The following ANKRD33B variants were observed in gnomAD, a reference collection of about 807,000 sequenced individuals.
ANKRD33B encodes ankyrin repeat domain 33B.
A neutral mutation model predicts 21.5 loss-of-function variants in ANKRD33B; 6 were observed. The ratio of observed to expected loss-of-function variants is 0.28; its 90% CI spans 0.15 to 0.55. ANKRD33B has a LOEUF of 0.55. Among genes scored for constraint, ANKRD33B ranks in the 20% least tolerant of loss-of-function variants. The probability of loss-of-function intolerance (pLI) is 0.94; values close to 1 mark genes in which losing one functional copy is unlikely to be tolerated. For missense variants in ANKRD33B, 698 were observed against 747.2 expected, an observed-to-expected ratio of 0.93 and a Z score of 0.77; for synonymous variants, 347 against 342.4, an observed-to-expected ratio of 1.01 and a Z score of -0.15.
rs1560956822 is a variant in ANKRD33B, at chr5:10,564,681, GCGGAGAGCGTCC to G, written c.220_231del (p.Ser74_Glu77del). On this transcript the variant is annotated inframe_deletion, in exon 1 of 4. Transcript: ENST00000296657. The stretch of plus-strand genomic sequence containing the variant: ...CGAGGAGGAGCACGGCGTCGAGAGC[GCGGAGAGCGTCC>G]CGGAGGGCGTCCCGGAAAGCGTCCC... 1 of 1,534,600 alleles carries G rather than the reference GCGGAGAGCGTCC, an allele frequency of 6.5e-7. No individual in the cohort carries two copies. The highest frequency in any genetic ancestry group is 1.2e-5 in the South Asian group (1 of 83,982).
intron 3 of ANKRD33B, among the ~76,000 whole-genome samples, chr5:10,638,753 T>G (rs2126601010): frequency 6.6e-6 from 1 of 151,310 alleles, no homozygotes; most frequent in East Asian, 2.0e-4. Context: ...GAGTTGCTTG[T>G]TAACGTTAGG....
At chr5:10,572,014 A>T (rs972344655) in intron 1 of ANKRD33B, among the ~76,000 whole-genome samples, 1 of 151,108 alleles carries the variant, frequency 6.6e-6, no homozygotes, top group African/African-American at 2.4e-5. Flanking sequence ...TCAGCCTCCC[A>T]AGTAGCCGGG....
chr5:10,581,014 C>T (rs571615975), intron 1 of ANKRD33B, among the ~76,000 whole-genome samples: 1 of 152,130 alleles, frequency 6.6e-6, no homozygotes, highest in Non-Finnish European at 1.5e-5. Flanking sequence ...ATGTCCTCGT[C>T]CTGCCTCCAG....
intron 1 of ANKRD33B, among the ~76,000 whole-genome samples, chr5:10,595,105 T>A (rs1717504997): frequency 1.3e-5 from 2 of 152,084 alleles, no homozygotes; most frequent in Admixed American, 1.3e-4. Context: ...GCCCTGTGAC[T>A]GTGGAGGGTG....
chr5:10,616,035 A>G (rs188152301), intron 1 of ANKRD33B, among the ~76,000 whole-genome samples: 47 of 152,352 alleles, frequency 3.1e-4, no homozygotes, highest in Admixed American at 2.9e-3. Flanking sequence ...GGAATGACCT[A>G]TTTCAAAGGG....
intron 1 of ANKRD33B, among the ~76,000 whole-genome samples, chr5:10,585,318 G>A (rs1560964472): frequency 6.6e-6 from 1 of 152,210 alleles, no homozygotes; most frequent in Non-Finnish European, 1.5e-5. Flanking sequence ...AAATCAACAA[G>A]TGTTTTCCTG....
chr5:10,629,937 G>T (rs1242176751), intron 2 of ANKRD33B, among the ~76,000 whole-genome samples: 1 of 152,308 alleles, frequency 6.6e-6, no homozygotes, highest in East Asian at 1.9e-4. Context: ...GGTCACTGGG[G>T]ACTGCTGGGG....
intron 2 of ANKRD33B, among the ~76,000 whole-genome samples, chr5:10,620,934 T>C (rs1030259696): frequency 6.6e-6 from 1 of 152,248 alleles, no homozygotes; most frequent in Admixed American, 6.5e-5. Context: ...ATAATCCTTT[T>C]CTGAATCATT....
chr5:10,624,995 C>G, intron 2 of ANKRD33B: 1 of 345,170 alleles, frequency 2.9e-6, no homozygotes, highest in Non-Finnish European at 5.7e-6. Flanking sequence ...GATTTTATGC[C>G]TGATGACGGC....
At chr5:10,609,098 G>A (rs1178163703) in intron 1 of ANKRD33B, among the ~76,000 whole-genome samples, 1 of 152,216 alleles carries the variant, frequency 6.6e-6, no homozygotes, top group African/African-American at 2.4e-5. Flanking sequence ...TGTGCCGTAA[G>A]TGTAAAATAT....
chr5:10,619,381 A>C lies in ANKRD33B; in HGVS notation c.496+919A>C. 1.0e-6 allele frequency: 1 copy of C among 985,388 alleles called. No homozygotes were observed. The highest frequency in any genetic ancestry group is 1.2e-6 in the Non-Finnish European group (1 of 829,906). 61.0% of individuals were successfully genotyped at this position (985,388 alleles called of 1,614,324 possible). On this transcript the variant is annotated intron_variant, in intron 2 of 3. Transcript: ENST00000296657. The surrounding 1 kb of genome is among the most constrained non-coding windows in gnomAD (Gnocchi z 4.5). ...GAGGAAGTGCCCCCGACCACACTGT[A>C]TGTTGATTCTGGTTGGGAAATGGCT... is the stretch of plus-strand genomic sequence containing the variant.
chr5:10,602,455 G>A lies in ANKRD33B; in HGVS notation c.367-15878G>A, dbSNP rs138971285. On this transcript the variant is annotated intron_variant, in intron 1 of 3. Coordinates refer to ENST00000296657, the MANE Select transcript of ANKRD33B (RefSeq NM_001164440.2). ...TTGTTAATTCTGCATCCATTGGTTTGGGTTGTACTAAATTAGGCCACACTT... is the reference window on the plus strand; with the variant it reads ...TTGTTAATTCTGCATCCATTGGTTTAGGTTGTACTAAATTAGGCCACACTT... 5.2e-3 allele frequency among the ~76,000 whole-genome samples: 789 copies of A among 152,340 alleles called. 7 individuals carry two copies. Among genetic ancestry groups the A allele is most frequent in the Middle Eastern group, 0.014 (4 of 294 alleles).
Position 10,618,510 on chromosome 5 carries a change from C to T in ANKRD33B, c.496+48C>T, listed in dbSNP as rs369074545. ...CCTCTCAGAGCCGTGGCCAGAGCAC[C>T]GCCGCCGGGCAGCCCGGGCTCCCGT... On this transcript the variant is annotated intron_variant, in intron 2 of 3. Coordinates refer to ENST00000296657, the MANE Select transcript of ANKRD33B (RefSeq NM_001164440.2). 65 of 1,474,542 alleles carry T rather than the reference C, an allele frequency of 4.4e-5. No individual in the cohort carries two copies. In the East Asian group the frequency reaches 7.0e-4, roughly 16 times the overall value. 91.3% of individuals were successfully genotyped at this position (1,474,542 alleles called of 1,614,324 possible).
rs1320604972 is a variant in ANKRD33B at position 10,649,830 on chromosome 5, C to T, written c.1202C>T (p.Pro401Leu). 3 of 1,391,558 alleles carry T rather than the reference C, an allele frequency of 2.2e-6. No individual in the cohort carries two copies. The highest frequency in any genetic ancestry group is 3.1e-5 in the South Asian group (2 of 65,322). 86.2% of individuals were successfully genotyped at this position (1,391,558 alleles called of 1,614,324 possible). A position where few individuals can be genotyped will look rare whatever the true frequency, so the allele number is the denominator to read the frequency against. The change falls in exon 4 of 4, where the codon CCG becomes CTG. Residue 401 changes from proline (P) to leucine (L), a missense_variant. Coordinates refer to ENST00000296657, the MANE Select transcript of ANKRD33B (RefSeq NM_001164440.2). ...TCCCGGGGCCCCGCAGCGCCCGCCCCGCGGAAGGCCAGCCTCCTGCCCCTG... is the reference window on the plus strand; with the variant it reads ...TCCCGGGGCCCCGCAGCGCCCGCCCTGCGGAAGGCCAGCCTCCTGCCCCTG... Reference protein sequence around the residue: ...LGSRGPAAPAPRKASLLPLQR... With the variant: ...LGSRGPAAPALRKASLLPLQR...
In ANKRD33B at chr5:10,640,012, A is replaced by G. The variant is rs368838142; in HGVS notation, c.637+1844A>G. On this transcript the variant is annotated intron_variant, in intron 3 of 3. Coordinates refer to ENST00000296657, the MANE Select transcript of ANKRD33B (RefSeq NM_001164440.2). ...GCGGCGATGTTAGCGGGTGACGTGG[A>G]GTTGCGCGGCGATGTTAGCGGGTGA... Among the ~76,000 whole-genome samples the G allele has an allele frequency of 1.3e-3, 105 of 79,658 alleles. 4 individuals carry two copies. The highest frequency in any genetic ancestry group is 0.012 in the Middle Eastern group (1 of 82). The allele number at this position is 79,658 out of a possible 152,430, so 52.3% of individuals were successfully genotyped here. A position where few individuals can be genotyped will look rare whatever the true frequency, so the allele number is the denominator to read the frequency against.
rs1188559701 is a variant in ANKRD33B, at chr5:10,638,160, T to C, written c.629T>C (p.Met210Thr). The change falls in exon 3 of 4, where the codon ATG (methionine) becomes ACG (threonine). Residue 210 changes from methionine to threonine, a missense_variant. Coordinates refer to ENST00000296657, the MANE Select transcript of ANKRD33B (RefSeq NM_001164440.2). ...QGRTDCIRALMLAGADVHARD... is the reference protein window; with the variant it reads ...QGRTDCIRALTLAGADVHARD... Reference sequence around the variant, plus strand: ...CGAACGGACTGCATCCGAGCCCTGATGCTAGCAGGTATGTCCACCTGTCCT... The same window carrying C: ...CGAACGGACTGCATCCGAGCCCTGACGCTAGCAGGTATGTCCACCTGTCCT... 3.9e-6 allele frequency: 6 copies of C among 1,537,384 alleles called. No homozygotes were observed. In the East Asian group the frequency reaches 1.5e-4, roughly 37 times the overall value.
chr5:10,608,036 C>T (rs1033087221), intron 1 of ANKRD33B, among the ~76,000 whole-genome samples: 1 of 152,026 alleles, frequency 6.6e-6, no homozygotes, highest in Non-Finnish European at 1.5e-5. Context: ...ACTTTTAAAA[C>T]GAAGCTTGGT....
intron 3 of ANKRD33B, 125 bp from the exon 4 acceptor site, chr5:10,649,141 C>T (rs1560989164): frequency 4.2e-6 from 6 of 1,430,014 alleles, no homozygotes; most frequent in Non-Finnish European, 4.6e-6. Context: ...TAGGTGCAGT[C>T]TGTTAGGAGG....
rs1737326950 is a variant in ANKRD33B, at chr5:10,650,573, A to G, written c.*460A>G. The stretch of plus-strand genomic sequence containing the variant: ...AGCAATAAGTATCCATGATACCTGT[A>G]TGAGTTCACACAGACATCATGGGAT... On this transcript the variant is annotated 3_prime_UTR_variant, in exon 4 of 4. Coordinates refer to ENST00000296657, the MANE Select transcript of ANKRD33B (RefSeq NM_001164440.2). 2 of 152,602 alleles carry G rather than the reference A, an allele frequency of 1.3e-5. 1 individual carries two copies. Among genetic ancestry groups the G allele is most frequent in the Admixed American group, 1.3e-4 (2 of 15,288 alleles). 9.5% of individuals were successfully genotyped at this position (152,602 alleles called of 1,614,324 possible).
Sources: allele counts gnomAD v4.1 joint callset (sites outside exome capture counted in the v4.1 genomes callset), GRCh38; gene constraint gnomAD v4.1.1; non-coding constraint Gnocchi (gnomAD v3.1); transcripts MANE v1.5; gene names NCBI Gene and HGNC (gene_info 2026-07-23, HGNC 2026-07-21).